CMTR1: variants seen among roughly 807,000 people sequenced by gnomAD.
The protein encoded by CMTR1 is cap-specific mRNA (nucleoside-2'-O-)-methyltransferase 1.
Under a neutral mutation model 107.0 loss-of-function variants are expected in CMTR1, and 39 were observed. The ratio of observed to expected loss-of-function variants is 0.36; its 90% CI spans 0.28 to 0.48. CMTR1 has a LOEUF of 0.48. CMTR1 is among the 20% of genes least tolerant of loss of function. CMTR1 has a pLI of 0.99. For synonymous variants in CMTR1, 366 were observed against 379.5 expected (o/e 0.96, Z 0.41); for missense variants, 672 against 1,064.9 (o/e 0.63, Z 5.14).
At chr6:37,450,630 C>G (rs1044256642) in intron 5 of CMTR1, among the ~76,000 whole-genome samples, 2 of 152,198 alleles carry the variant, frequency 1.3e-5, no homozygotes, top group African/African-American at 4.8e-5. Flanking sequence ...GCTTATCATA[C>G]ATATCTGTGT....
chr6:37,445,782 C>T (rs1044357737), intron 3 of CMTR1, among the ~76,000 whole-genome samples: 6 of 151,792 alleles, frequency 4.0e-5, no homozygotes, highest in Admixed American at 6.6e-5. Flanking sequence ...CTTGAGCCAC[C>T]GCGCCCGGTC....
chr6:37,450,043 A>G (rs1246109651), intron 4 of CMTR1, among the ~76,000 whole-genome samples: 2 of 152,248 alleles, frequency 1.3e-5, no homozygotes, highest in African/African-American at 4.8e-5. Flanking sequence ...TAAGGATTCT[A>G]ACCAGAATTG....
At chr6:37,473,697 T>G in intron 17 of CMTR1, 96 bp downstream of exon 17, 4 of 1,430,118 alleles carry the variant, frequency 2.8e-6, no homozygotes, top group Non-Finnish European at 3.8e-6. Flanking sequence ...ACATGTTCTC[T>G]TGGCATTAAG....
Position 37,458,854 on chromosome 6 carries a change from C to A in CMTR1, c.976+44C>A. 1 of 1,573,986 alleles carries A rather than the reference C, an allele frequency of 6.4e-7. No homozygotes were observed. Among genetic ancestry groups the A allele is most frequent in the Non-Finnish European group, 8.7e-7 (1 of 1,147,146 alleles). ...GTACTAGGAGGTATGAGGGACAGCC[C>A]CTCTATGGGGACTTCAGGTCAGAAG... On this transcript the variant is annotated intron_variant, in intron 9 of 23. Coordinates refer to ENST00000373451, the MANE Select transcript of CMTR1 (RefSeq NM_015050.3). The surrounding 1 kb of genome is among the most constrained non-coding windows in gnomAD (Gnocchi z 4.7).
rs767681432 is a variant in CMTR1 at position 37,481,099 on chromosome 6, C to G, written c.*954C>G. On this transcript the variant is annotated 3_prime_UTR_variant, in exon 24 of 24. Coordinates refer to ENST00000373451, the MANE Select transcript of CMTR1 (RefSeq NM_015050.3). ...GTGCAGCTCCCTTACTACCCTTTCCCTTCCTTTTTCTTCCCTAATAGGAGG... is the reference window on the plus strand; with the variant it reads ...GTGCAGCTCCCTTACTACCCTTTCCGTTCCTTTTTCTTCCCTAATAGGAGG... 8 of 1,304,126 alleles carry G rather than the reference C, an allele frequency of 6.1e-6. No homozygotes were observed. The South Asian group carries it at 8.6e-5, about 14-fold the overall frequency. The allele number at this position is 1,304,126 out of a possible 1,614,324, so 80.8% of individuals were successfully genotyped here.
chr6:37,465,762 T>A (rs889597622), intron 13 of CMTR1, among the ~76,000 whole-genome samples: 1 of 152,154 alleles, frequency 6.6e-6, no homozygotes, highest in Non-Finnish European at 1.5e-5. Context: ...CCCAAAGTAC[T>A]GGGATTTCAG....
Position 37,478,408 on chromosome 6 carries a change from G to C in CMTR1, c.2154-1G>C. The stretch of plus-strand genomic sequence containing the variant: ...TGCACGTACCTTCTCGGGGAAATCA[G>C]GTTGGAGATGAAGATCATCAAGGGC... On this transcript the variant is annotated splice_acceptor_variant, in intron 21 of 23. Coordinates refer to ENST00000373451, the MANE Select transcript of CMTR1 (RefSeq NM_015050.3). LOFTEE classifies it high-confidence loss of function. 1 of 1,612,998 alleles carries C rather than the reference G, an allele frequency of 6.2e-7. No homozygotes were observed.
At chr6:37,454,721 G>C (rs1761255053) in intron 8 of CMTR1, among the ~76,000 whole-genome samples, 1 of 152,206 alleles carries the variant, frequency 6.6e-6, no homozygotes, top group South Asian at 2.1e-4. Flanking sequence ...TTCTTGACCT[G>C]AATTGATTGT....
At chr6:37,464,302 A>G (rs1677901544) in intron 13 of CMTR1, among the ~76,000 whole-genome samples, 1 of 151,862 alleles carries the variant, frequency 6.6e-6, no homozygotes, top group African/African-American at 2.4e-5. Context: ...CATCTCTACT[A>G]AAAATTCAAA....
chr6:37,459,645 C>T lies in CMTR1; in HGVS notation c.1056C>T (p.Asn352=). 3.1e-6 allele frequency: 5 copies of T among 1,614,168 alleles called. No individual in the cohort carries two copies. Among genetic ancestry groups the T allele is most frequent in the Non-Finnish European group, 4.2e-6 (5 of 1,180,018 alleles). Reference sequence around the variant, plus strand: ...CTTTTCGGAATTTTGTCCTGGATAACACAGATCGCAAGGGTGTCCATTTTC... The same window carrying T: ...CTTTTCGGAATTTTGTCCTGGATAATACAGATCGCAAGGGTGTCCATTTTC... ...ISAFRNFVLD[N]TDRKGVHFLM... Residue 352 remains asparagine (N), a synonymous_variant, in exon 10 of 24, where the codon AAC becomes AAT. Coordinates refer to ENST00000373451, the MANE Select transcript of CMTR1 (RefSeq NM_015050.3).
intron 2 of CMTR1, among the ~76,000 whole-genome samples, chr6:37,442,167 A>T (rs1036022845): frequency 6.6e-6 from 1 of 152,224 alleles, no homozygotes; most frequent in East Asian, 1.9e-4. Context: ...TATATGTAGC[A>T]TGATCTTTTA....
intron 10 of CMTR1, among the ~76,000 whole-genome samples, chr6:37,460,322 A>G (rs1761376912): frequency 6.6e-6 from 1 of 152,212 alleles, no homozygotes; most frequent in South Asian, 2.1e-4. Context: ...ATATCCAAAG[A>G]TGCCTAGGCT....
rs759811092 is a variant in CMTR1 at position 37,446,454 on chromosome 6, G to C, written c.444+5G>C. The C allele has an allele frequency of 6.2e-7, 1 of 1,608,546 alleles. No individual in the cohort carries two copies. Among genetic ancestry groups the C allele is most frequent in the African/African-American group, 1.3e-5 (1 of 74,880 alleles). On this transcript the variant is annotated splice_donor_5th_base_variant and intron_variant, in intron 4 of 23. Transcript: ENST00000373451. ...GACTGGCGAGATGAGCCAGAGGTAA[G>C]TGTTAAAGTGAGGAGGAGATGGAAA... is the stretch of plus-strand genomic sequence containing the variant.
rs1581735457 is a variant in CMTR1 at position 37,450,806 on chromosome 6, C to T, written c.537+463C>T. Reference sequence around the variant, plus strand: ...GAGGGCAGTTCTCAAAGTGTATGTGCTCCCGGGGATCTCTAAGACCCCTTC... The same window carrying T: ...GAGGGCAGTTCTCAAAGTGTATGTGTTCCCGGGGATCTCTAAGACCCCTTC... On this transcript the variant is annotated intron_variant, in intron 5 of 23. Coordinates refer to ENST00000373451, the MANE Select transcript of CMTR1 (RefSeq NM_015050.3). Among the ~76,000 whole-genome samples, 4 of 152,330 alleles carry T rather than the reference C, an allele frequency of 2.6e-5. No individual in the cohort carries two copies. The Middle Eastern group carries it at 0.01, about 389-fold the overall frequency.
intron 2 of CMTR1, among the ~76,000 whole-genome samples, chr6:37,439,325 CTT>C (rs1037850801): frequency 7.2e-5 from 11 of 152,170 alleles, no homozygotes; most frequent in African/African-American, 2.2e-4. Context: ...ATTTTGTTCT[CTT>C]TGGTTGTTTT....
intron 22 of CMTR1, 54 bp from the exon 23 acceptor site, chr6:37,479,090 GTCC>G: frequency 8.1e-7 from 1 of 1,233,252 alleles, no homozygotes; most frequent in Non-Finnish European, 1.2e-6. Context: ...GTACACGCCT[GTCC>G]TCCACAAGTG....
intron 5 of CMTR1, 117 bp downstream of exon 5, chr6:37,450,460 T>C (rs1771925750): frequency 1.3e-6 from 1 of 753,508 alleles, no homozygotes; most frequent in African/African-American, 1.7e-5. Context: ...TGACCATTCA[T>C]GTTGGTAGGA....
chr6:37,427,340 T>G, the CMTR1 span, among the ~76,000 whole-genome samples: 1 of 152,212 alleles, frequency 6.6e-6, no homozygotes, highest in East Asian at 1.9e-4. The surrounding 1 kb of genome is among the most constrained non-coding windows in gnomAD (Gnocchi z 4.4). Context: ...TTTGACAATT[T>G]TGCTAGTATT....
intron 18 of CMTR1, among the ~76,000 whole-genome samples, chr6:37,474,964 C>T (rs1208915629): frequency 6.6e-6 from 1 of 152,174 alleles, no homozygotes; most frequent in Admixed American, 6.5e-5. Context: ...AAACAAGAGA[C>T]TTGTTTCTCA....
Sources: gnomAD v4.1 joint callset for allele counts (sites outside exome capture counted in the v4.1 genomes callset) on GRCh38, gnomAD v4.1.1 for gene constraint, Gnocchi (gnomAD v3.1) non-coding constraint, MANE v1.5 for transcripts, NCBI Gene and HGNC (gene_info 2026-07-23, HGNC 2026-07-21) for gene names.